CCL23: variants seen among roughly 807,000 people sequenced by gnomAD.
CCL23 encodes the protein C-C motif chemokine ligand 23.
A neutral mutation model predicts 11.8 loss-of-function variants in CCL23; 10 were observed. The ratio of observed to expected loss-of-function variants is 0.84; its 90% CI spans 0.52 to 1.43. The LOEUF (loss-of-function observed/expected upper bound fraction) is 1.43. CCL23 is among the 40% of genes most tolerant of loss of function. The pLI is 0.00. For missense variants in CCL23, 181 were observed against 170.9 expected (o/e 1.06, Z -0.33); for synonymous variants, 60 against 61.0 (o/e 0.98, Z 0.07).
chr17:36,014,118 C>A (rs572587529), intron 2 of CCL23, among the ~76,000 whole-genome samples: 6 of 152,270 alleles, frequency 3.9e-5, no homozygotes, highest in Admixed American at 3.9e-4. Flanking sequence ...GCACCTTCTG[C>A]CCCAAAGGAG....
In CCL23 at chr17:36,013,205, T is replaced by C; in HGVS notation, c.406A>G (p.Lys136Glu). The C allele has an allele frequency of 6.2e-7, 1 of 1,607,528 alleles. No individual in the cohort carries two copies. The highest frequency in any genetic ancestry group is 1.1e-5 in the South Asian group (1 of 90,934). ...CCTTCACCTTGACAAGTTCAATTCT[T>C]CCTGGTCTTGATCCGTGTGTCCAGC... is the stretch of plus-strand genomic sequence containing the variant. ...LKLDTRIKTR[K>E]N Residue 136 changes from lysine to glutamate, a missense_variant, in exon 4 of 4, where the codon AAG (lysine) becomes GAG (glutamate). Lys to Glu is a moderately conservative substitution (Grantham distance 56). Coordinates refer to ENST00000615050, the MANE Select transcript of CCL23 (RefSeq NM_005064.6).
intron 1 of CCL23, among the ~76,000 whole-genome samples, chr17:36,014,842 T>A (rs907742198): frequency 1.3e-5 from 2 of 152,198 alleles, no homozygotes; most frequent in African/African-American, 2.4e-5. Flanking sequence ...AATATTCATG[T>A]GTTTGTTACA....
intron 1 of CCL23, among the ~76,000 whole-genome samples, chr17:36,014,956 T>TTTTA (rs1278130970): frequency 6.7e-6 from 1 of 149,570 alleles, no homozygotes; most frequent in African/African-American, 2.4e-5. Context: ...TAAATCGTGG[T>TTTTA]TATATATATA....
chr17:36,014,972 A>G (rs1426107146), intron 1 of CCL23, among the ~76,000 whole-genome samples: 2 of 152,184 alleles, frequency 1.3e-5, no homozygotes, highest in Non-Finnish European at 1.5e-5. Flanking sequence ...ATATATATAT[A>G]TAACGTAAAA....
Position 36,015,456 on chromosome 17 carries a change from T to TA in CCL23, c.77-1064dup, listed in dbSNP as rs576912195. Among the ~76,000 whole-genome samples, 7 of 152,366 alleles carry TA rather than the reference T, an allele frequency of 4.6e-5. No individual in the cohort carries two copies. In the South Asian group the frequency reaches 1.4e-3, roughly 32 times the overall value. ...TGGCTACCGTCATCAATAATGCTGC[T>TA]ATGAATATGGGTGTATAAAAATCAA... On this transcript the variant is annotated intron_variant, in intron 1 of 3. Coordinates refer to ENST00000615050, the MANE Select transcript of CCL23 (RefSeq NM_005064.6).
chr17:36,015,185 G>C (rs542709324), intron 1 of CCL23, among the ~76,000 whole-genome samples: 2 of 152,244 alleles, frequency 1.3e-5, no homozygotes, highest in East Asian at 3.9e-4. Flanking sequence ...AGTACCTCAT[G>C]TGAGTGGAAT....
rs369780906 is a variant in CCL23 at position 36,013,388 on chromosome 17, CT to C, written c.303-81del. 1,112 of 824,864 alleles carry C rather than the reference CT, an allele frequency of 1.3e-3. 9 individuals carry two copies. The African/African-American group carries it at 0.017, about 13-fold the overall frequency. 51.1% of individuals were successfully genotyped at this position (824,864 alleles called of 1,614,324 possible). A position where few individuals can be genotyped will look rare whatever the true frequency, so the allele number is the denominator to read the frequency against. ...ACAGGGGGCCCCATTCTCCCTGCCC[CT>C]CAGATTTCCCAGTCAATATAGCCAG... On this transcript the variant is annotated intron_variant, in intron 3 of 3. Coordinates refer to ENST00000615050, the MANE Select transcript of CCL23 (RefSeq NM_005064.6).
chr17:36,014,685 T>G (rs369381182), intron 1 of CCL23, among the ~76,000 whole-genome samples: 67 of 152,334 alleles, frequency 4.4e-4, no homozygotes, highest in African/African-American at 1.6e-3. Context: ...GTCTACATGA[T>G]GTGACACAGT....
At chr17:36,013,981 T>A in intron 2 of CCL23, 72 bp from the exon 3 acceptor site, 2 of 1,453,114 alleles carry the variant, frequency 1.4e-6, no homozygotes, top group Non-Finnish European at 1.9e-6. Flanking sequence ...TGCTGGCATC[T>A]CCCTGCTTCA....
Position 36,014,402 on chromosome 17 carries a change from A to G in CCL23, c.77-9T>C. ...GAACTCTGTCTCTGCATCTGGAAGA[A>G]GCAGACAGGACAGGGAAGGAAATCA... On this transcript the variant is annotated splice_polypyrimidine_tract_variant and intron_variant, in intron 1 of 3. Transcript: ENST00000615050. 1.2e-6 allele frequency: 2 copies of G among 1,609,016 alleles called. No homozygotes were observed. Among genetic ancestry groups the G allele is most frequent in the Non-Finnish European group, 1.7e-6 (2 of 1,175,278 alleles).
intron 1 of CCL23, among the ~76,000 whole-genome samples, chr17:36,017,134 C>G (rs2090103543): frequency 6.6e-6 from 1 of 152,226 alleles, no homozygotes; most frequent in Admixed American, 6.5e-5. Context: ...ACCAAGTTAT[C>G]TAAGGTTCTG....
Position 36,013,382 on chromosome 17 carries a change from C to T in CCL23, c.303-74G>A, listed in dbSNP as rs2090072325. On this transcript the variant is annotated intron_variant, in intron 3 of 3. Transcript: ENST00000615050. ...ATGGGGACAGGGGGCCCCATTCTCC[C>T]TGCCCCTCAGATTTCCCAGTCAATA... is the stretch of plus-strand genomic sequence containing the variant. 2.7e-5 allele frequency: 24 copies of T among 877,360 alleles called. 1 individual carries two copies. The South Asian group carries it at 3.5e-4, about 13-fold the overall frequency. The allele number at this position is 877,360 out of a possible 1,614,324, so 54.3% of individuals were successfully genotyped here. A position where few individuals can be genotyped will look rare whatever the true frequency, so the allele number is the denominator to read the frequency against.
intron 1 of CCL23, among the ~76,000 whole-genome samples, chr17:36,017,064 C>G (rs2090103133): frequency 6.6e-6 from 1 of 152,068 alleles, no homozygotes; most frequent in Non-Finnish European, 1.5e-5. Context: ...CCTTGTCGTT[C>G]CATAACTACT....
rs746038053 is a variant in CCL23 at position 36,013,288 on chromosome 17, C to G, written c.323G>C (p.Arg108Pro). 5.6e-6 allele frequency: 9 copies of G among 1,613,274 alleles called. No individual in the cohort carries two copies. The African/African-American group carries it at 9.3e-5, about 17-fold the overall frequency. Residue 108 changes from arginine to proline, a missense_variant, in exon 4 of 4, where the codon CGA becomes CCA. Coordinates refer to ENST00000615050, the MANE Select transcript of CCL23 (RefSeq NM_005064.6). ...ATCACTGGGGTTGGCACAGAAACGT[C>G]GCCCCTTCTTGGTGAGGAAGCTAGG... ...PGVIFLTKKG[R>P]RFCANPSDKQ...
chr17:36,013,558 C>A, intron 3 of CCL23, 186 bp downstream of exon 3: 2 of 638,798 alleles, frequency 3.1e-6, no homozygotes, highest in Non-Finnish European at 5.4e-6. Context: ...CTTCCTTCCC[C>A]ACCCTTTTCC....
At chr17:36,013,423 T>C (rs2090072742) in intron 3 of CCL23, 115 bp from the exon 4 acceptor site, 3 of 678,866 alleles carry the variant, frequency 4.4e-6, no homozygotes, top group South Asian at 3.7e-5. Flanking sequence ...AGTTTTTTTT[T>C]CTTTTTTTTT....
Position 36,013,204 on chromosome 17 carries a change from T to TAG in CCL23, c.406_407insCT (p.Lys136ThrfsTer?), listed in dbSNP as rs2090069976. ...CCCTTCACCTTGACAAGTTCAATTC[T>TAG]TCCTGGTCTTGATCCGTGTGTCCAG... On this transcript the variant is annotated frameshift_variant, in exon 4 of 4. Transcript: ENST00000615050. LOFTEE classifies it high-confidence loss of function. The TAG allele has an allele frequency of 6.2e-7, 1 of 1,606,884 alleles. No homozygotes were observed. Among genetic ancestry groups the TAG allele is most frequent in the Admixed American group, 1.7e-5 (1 of 59,998 alleles).
intron 3 of CCL23, chr17:36,013,516 G>A: frequency 3.3e-6 from 2 of 613,954 alleles, no homozygotes; most frequent in South Asian, 2.0e-5. Context: ...ACTCATGGGA[G>A]CATCCTTGGG....
intron 2 of CCL23, 65 bp downstream of exon 2, chr17:36,014,269 G>A (rs2090080994): frequency 1.7e-6 from 2 of 1,154,044 alleles, no homozygotes; most frequent in Non-Finnish European, 2.6e-6. Context: ...AGGGACAATG[G>A]ATCCCATAGT....
Sources: allele counts gnomAD v4.1 joint callset (sites outside exome capture counted in the v4.1 genomes callset), GRCh38; gene constraint gnomAD v4.1.1; transcripts MANE v1.5; gene names NCBI Gene and HGNC (gene_info 2026-07-23, HGNC 2026-07-21).